ADD2: variants seen among roughly 807,000 people sequenced by gnomAD.
The protein encoded by ADD2 is adducin 2, also known as beta-adducin.
Under a neutral mutation model 83.0 loss-of-function variants are expected in ADD2, and 23 were observed. That is an observed-to-expected ratio of 0.28 (90% confidence interval 0.20 to 0.39). The LOEUF is 0.39. Ranked by LOEUF, ADD2 falls within the 10% of genes least tolerant of loss-of-function variation. The probability of loss-of-function intolerance (pLI) is 1.00; values close to 1 mark genes in which losing one functional copy is unlikely to be tolerated. For missense variants in ADD2, 758 were observed against 944.9 expected (o/e 0.80, Z 2.59); for synonymous variants, 375 against 375.4 (o/e 1.00, Z 0.01).
At chr2:70,712,950 C>A (rs996599490) in intron 2 of ADD2, 116 bp downstream of exon 2, 9 of 230,934 alleles carry the variant, frequency 3.9e-5, no homozygotes, top group African/African-American at 1.9e-4. Context: ...ATAGCAATGA[C>A]CTGAGTGTCT....
intron 15 of ADD2, among the ~76,000 whole-genome samples, chr2:70,672,164 C>T (rs1401185377): frequency 6.6e-6 from 1 of 152,202 alleles, no homozygotes; most frequent in South Asian, 2.1e-4. Flanking sequence ...GTCAACAAAA[C>T]TGAGGCTCAG....
At chr2:70,743,863 A>G (rs1674046873) in intron 1 of ADD2, among the ~76,000 whole-genome samples, 1 of 152,230 alleles carries the variant, frequency 6.6e-6, no homozygotes, top group South Asian at 2.1e-4. Context: ...AGAGCTGAGA[A>G]GCCTAGAGGG....
chr2:70,683,151 G>A (rs781949046), intron 10 of ADD2, among the ~76,000 whole-genome samples: 6 of 151,710 alleles, frequency 4.0e-5, no homozygotes, highest in Non-Finnish European at 7.4e-5. Flanking sequence ...AGCCTCCTGA[G>A]TAGCTGGGAC....
chr2:70,660,881 G>A lies in ADD2; in HGVS notation c.*2544C>T, dbSNP rs573943015. 1 of 152,254 alleles carries A rather than the reference G, an allele frequency of 6.6e-6. No individual in the cohort carries two copies. Among genetic ancestry groups the A allele is most frequent in the South Asian group, 2.1e-4 (1 of 4,822 alleles). The allele number at this position is 152,254 out of a possible 1,614,324, so 9.4% of individuals were successfully genotyped here. ...AATTGATGCTTTCTTATGCCACCTT[G>A]GTACCCTTGCCTGTTTTGCAATTTG... On this transcript the variant is annotated 3_prime_UTR_variant, in exon 16 of 16. Coordinates refer to ENST00000264436, the MANE Select transcript of ADD2 (RefSeq NM_001617.4).
At chr2:70,752,215 G>A (rs1674541076) in intron 1 of ADD2, among the ~76,000 whole-genome samples, 1 of 151,932 alleles carries the variant, frequency 6.6e-6, no homozygotes, top group Non-Finnish European at 1.5e-5. Flanking sequence ...TCATAACAAG[G>A]GAGAAAAATA....
At chr2:70,728,742 G>C (rs1553378772) in intron 1 of ADD2, among the ~76,000 whole-genome samples, 1 of 152,192 alleles carries the variant, frequency 6.6e-6, no homozygotes, top group Non-Finnish European at 1.5e-5. Context: ...GGCCTCATCT[G>C]TCCCTTTCCA....
At position 70,706,226 on chromosome 2, in the gene ADD2, G is replaced by A. The variant is rs782305904; in HGVS notation, c.183C>T (p.Pro61=). 4.3e-6 allele frequency: 7 copies of A among 1,613,574 alleles called. No homozygotes were observed. The highest frequency in any genetic ancestry group is 3.3e-5 in the South Asian group (3 of 90,994). ...KKRVTMILQS[P]SFREELEGLI... ...TCCCGCCCGGGTCAGCCCCACTCAC[G>A]GGACTCTGCAGGATCATGGTGACGC... Residue 61 remains proline, a splice_region_variant and synonymous_variant, in exon 3 of 16, where the codon CCC becomes CCT. Coordinates refer to ENST00000264436, the MANE Select transcript of ADD2 (RefSeq NM_001617.4). This position sits in a 1 kb window ranked among gnomAD's most constrained non-coding sequence, Gnocchi z 5.0.
rs1672282049 is a variant in ADD2 at position 70,713,082 on chromosome 2, C to T, written c.-51G>A. ...CTTACTTACCGGGAGGCTGGCCCAG[C>T]CCTGTCCAAGGCTCCTTCTGTTCAC... On this transcript the variant is annotated 5_prime_UTR_variant, in exon 2 of 16. Transcript: ENST00000264436. The T allele has an allele frequency of 2.5e-5, 25 of 985,576 alleles. No homozygotes were observed. Among genetic ancestry groups the T allele is most frequent in the East Asian group, 1.1e-4 (1 of 8,804 alleles). The allele number at this position is 985,576 out of a possible 1,614,324, so 61.1% of individuals were successfully genotyped here. A position where few individuals can be genotyped will look rare whatever the true frequency, so the allele number is the denominator to read the frequency against.
At chr2:70,723,202 C>T (rs924847283) in intron 1 of ADD2, among the ~76,000 whole-genome samples, 9 of 152,154 alleles carry the variant, frequency 5.9e-5, no homozygotes, top group Non-Finnish European at 8.8e-5. Flanking sequence ...GAACAAGTTG[C>T]TTAATTTTTC....
rs1553368262 is a variant in ADD2, at chr2:70,676,417, ACT to A, written c.1593+377_1593+378del. 1 of 1,182,244 alleles carries A rather than the reference ACT, an allele frequency of 8.5e-7. No individual in the cohort carries two copies. Among genetic ancestry groups the A allele is most frequent in the African/African-American group, 1.5e-5 (1 of 64,560 alleles). The allele number at this position is 1,182,244 out of a possible 1,614,324, so 73.2% of individuals were successfully genotyped here. A position where few individuals can be genotyped will look rare whatever the true frequency, so the allele number is the denominator to read the frequency against. On this transcript the variant is annotated intron_variant, in intron 13 of 15. Transcript: ENST00000264436. This position sits in a 1 kb window ranked among gnomAD's most constrained non-coding sequence, Gnocchi z 4.8. The stretch of plus-strand genomic sequence containing the variant: ...GTCATACCAGGCTCAGAGGTCAGAG[ACT>A]CTCAGGGCTGGGCACACCTGGGGCA...
intron 10 of ADD2, among the ~76,000 whole-genome samples, chr2:70,681,956 G>A (rs1160691617): frequency 3.3e-5 from 5 of 152,024 alleles, no homozygotes; most frequent in Admixed American, 2.6e-4. Context: ...GGGCTCAAGC[G>A]ATCCACCTCT....
At chr2:70,684,183 G>T (rs2104283341) in intron 9 of ADD2, among the ~76,000 whole-genome samples, 1 of 152,302 alleles carries the variant, frequency 6.6e-6, no homozygotes, top group Middle Eastern at 3.4e-3. Flanking sequence ...TGTTTGATCT[G>T]ATTGGTAGGT....
chr2:70,710,826 G>C (rs1672143302), intron 2 of ADD2, among the ~76,000 whole-genome samples: 1 of 152,218 alleles, frequency 6.6e-6, no homozygotes, highest in Admixed American at 6.5e-5. Flanking sequence ...TGAAGTTAAT[G>C]TATGTGGAGT....
chr2:70,747,088 G>T (rs1031406462), intron 1 of ADD2, among the ~76,000 whole-genome samples: 1 of 143,388 alleles, frequency 7.0e-6, no homozygotes, highest in Non-Finnish European at 1.5e-5. Context: ...TTGGCTCACT[G>T]TAAGCTCCGC....
intron 1 of ADD2, 94 bp from the exon 2 acceptor site, chr2:70,713,278 C>T: frequency 2.0e-6 from 1 of 488,954 alleles, no homozygotes; most frequent in Non-Finnish European, 2.7e-6. Flanking sequence ...TTAAAATGAA[C>T]TTGAAATGAA....
chr2:70,674,647 G>C (rs782192981), intron 14 of ADD2, 31 bp downstream of exon 14: 3 of 1,596,580 alleles, frequency 1.9e-6, no homozygotes, highest in South Asian at 2.3e-5. Context: ...TGGGGGACTT[G>C]GAAGCAAGGG....
chr2:70,705,415 A>ACC (rs201599819), intron 3 of ADD2, among the ~76,000 whole-genome samples: 1 of 121,990 alleles, frequency 8.2e-6, no homozygotes, highest in Non-Finnish European at 1.6e-5. Flanking sequence ...AGCGGCTCCC[A>ACC]TCTCGAGCCC....
intron 1 of ADD2, among the ~76,000 whole-genome samples, chr2:70,761,772 T>C (rs1414879956): frequency 3.3e-5 from 5 of 150,288 alleles, no homozygotes; most frequent in African/African-American, 4.9e-5. Context: ...CCCGGGTTCA[T>C]GCCATTCTCC....
At chr2:70,710,588 G>T (rs1672131246) in intron 2 of ADD2, among the ~76,000 whole-genome samples, 1 of 152,218 alleles carries the variant, frequency 6.6e-6, no homozygotes, top group Admixed American at 6.5e-5. Flanking sequence ...TGAATCACAG[G>T]CATCCTCTTG....
Sources: gnomAD v4.1 joint callset for allele counts (sites outside exome capture counted in the v4.1 genomes callset) on GRCh38, gnomAD v4.1.1 for gene constraint, Gnocchi (gnomAD v3.1) non-coding constraint, MANE v1.5 for transcripts, NCBI Gene and HGNC (gene_info 2026-07-23, HGNC 2026-07-21) for gene names.